Variants in USP28 observed in about 807,000 individuals in gnomAD.
USP28 encodes ubiquitin carboxyl-terminal hydrolase 28.
USP28 carries 113 observed loss-of-function variants against 145.0 expected under a neutral mutation model. That is an observed-to-expected ratio of 0.78 (90% CI 0.67 to 0.91). USP28 has a LOEUF of 0.91. Among genes scored for constraint, USP28 ranks in the 40% least tolerant of loss-of-function variants. USP28 has a pLI of 0.00. For synonymous variants in USP28, 447 were observed against 450.9 expected (o/e 0.99, Z 0.11); for missense variants, 1,201 against 1,289.6 (o/e 0.93, Z 1.05).
chr11:113,841,350 C>A (rs1188316059), intron 4 of USP28, among the ~76,000 whole-genome samples: 6 of 152,172 alleles, frequency 3.9e-5, no homozygotes, highest in Non-Finnish European at 8.8e-5. Flanking sequence ...AGCAGCATAA[C>A]CCTCAAAGTT....
At chr11:113,833,504 C>T (rs749336641) in exon 7 of USP28, 1 of 1,614,052 alleles carries the variant, frequency 6.2e-7, no homozygotes, top group Non-Finnish European at 8.5e-7. Flanking sequence ...TTGATCCCAT[C>T]ATTAGAGCAA....
At chr11:113,811,101 G>C (rs1395178351) in intron 16 of USP28, among the ~76,000 whole-genome samples, 1 of 152,196 alleles carries the variant, frequency 6.6e-6, no homozygotes, top group Non-Finnish European at 1.5e-5. Context: ...AGAGAATAAT[G>C]TAAATTGAAA....
exon 10 of USP28, chr11:113,829,327 T>C (rs762800101): frequency 4.3e-6 from 7 of 1,614,158 alleles, no homozygotes; most frequent in East Asian, 4.5e-5. Flanking sequence ...GAAGGTCTCA[T>C]TGTTACAAAA....
intron 16 of USP28, among the ~76,000 whole-genome samples, chr11:113,809,544 T>A (rs184146375): frequency 3.3e-5 from 5 of 152,230 alleles, no homozygotes; most frequent in Non-Finnish European, 7.3e-5. Context: ...CCAATGAGCA[T>A]TCCCTTCCAG....
intron 19 of USP28, among the ~76,000 whole-genome samples, chr11:113,806,004 C>T (rs150671725): frequency 9.9e-5 from 15 of 152,214 alleles, no homozygotes; most frequent in African/African-American, 3.4e-4. Flanking sequence ...TCATGGTTCA[C>T]TGCAACCTTG....
rs1403449398 is a variant in USP28 at position 113,832,008 on chromosome 11, C to G, written c.760-15G>C. On this transcript the variant is annotated splice_polypyrimidine_tract_variant and intron_variant, in intron 7 of 24. Transcript: ENST00000003302. Reference sequence around the variant, plus strand: ...CTCACATCTTGCTATAAGAGAGGCACAAATTGCATAAAAGTTAGATGCAAT... The same window carrying G: ...CTCACATCTTGCTATAAGAGAGGCAGAAATTGCATAAAAGTTAGATGCAAT... 1 of 1,609,922 alleles carries G rather than the reference C, an allele frequency of 6.2e-7. No individual in the cohort carries two copies. Among genetic ancestry groups the G allele is most frequent in the Non-Finnish European group, 8.5e-7 (1 of 1,178,482 alleles).
chr11:113,825,609 G>A (rs1943195981), intron 11 of USP28, among the ~76,000 whole-genome samples: 1 of 152,046 alleles, frequency 6.6e-6, no homozygotes, highest in Non-Finnish European at 1.5e-5. Context: ...ATGGTGAATG[G>A]CAAAAAATCA....
rs555089304 is a variant in USP28, at chr11:113,838,933, T to A, written c.534+1665A>T. On this transcript the variant is annotated intron_variant, in intron 5 of 24. Transcript: ENST00000003302. ...GCTGGGTAGGTGCCATGTACCATGA[T>A]GGAGAAGACTGCTGTGGTGAGCACC... 3.9e-5 allele frequency among the ~76,000 whole-genome samples: 6 copies of A among 152,346 alleles called. No homozygotes were observed. In the East Asian group the frequency reaches 1.2e-3, roughly 29 times the overall value.
exon 25 of USP28, chr11:113,797,902 A>C (rs1938202838): frequency 6.6e-6 from 1 of 152,622 alleles, no homozygotes; most frequent in Admixed American, 6.5e-5. Flanking sequence ...TTGCACATTT[A>C]TAAAATCTGC....
At position 113,813,942 on chromosome 11, in the gene USP28, AC is replaced by A; in HGVS notation, c.1685del (p.Cys562LeufsTer76). On this transcript the variant is annotated frameshift_variant, in exon 15 of 25. Transcript: ENST00000003302. LOFTEE classifies it high-confidence loss of function. ...CAATAGTCTGAGTAGTACTTGCAAT[AC>A]AAGTCTTTAAATCTGTTTGGAAAAA... is the stretch of plus-strand genomic sequence containing the variant. The A allele has an allele frequency of 6.2e-7, 1 of 1,609,078 alleles. No individual in the cohort carries two copies. The highest frequency in any genetic ancestry group is 8.5e-7 in the Non-Finnish European group (1 of 1,178,408).
chr11:113,834,886 G>C (rs1944395480), intron 5 of USP28, among the ~76,000 whole-genome samples: 1 of 152,074 alleles, frequency 6.6e-6, no homozygotes, highest in Non-Finnish European at 1.5e-5. Context: ...AACACATTTT[G>C]AGTGAAAAAA....
intron 1 of USP28, among the ~76,000 whole-genome samples, chr11:113,868,704 G>A (rs892619222): frequency 6.6e-6 from 1 of 152,040 alleles, no homozygotes; most frequent in African/African-American, 2.4e-5. Context: ...GAGGATCACT[G>A]GAGCGCGGGA....
In USP28 at chr11:113,803,229, G is replaced by A. The variant is rs755841498; in HGVS notation, c.2791C>T (p.Leu931=). 9 of 1,614,042 alleles carry A rather than the reference G, an allele frequency of 5.6e-6. No homozygotes were observed. The Admixed American group carries it at 6.7e-5, about 12-fold the overall frequency. Residue 931 remains leucine (L), a synonymous_variant, in exon 23 of 25, where the codon CTG becomes TTG. Coordinates refer to ENST00000003302, the Ensembl canonical transcript of USP28. ...CCCCGGCGGGGCCCCTTCATCAGCAGGGCAGCATTGCTCTGGTAGGCATAT... is the reference window on the plus strand; with the variant it reads ...CCCCGGCGGGGCCCCTTCATCAGCAAGGCAGCATTGCTCTGGTAGGCATAT...
At chr11:113,868,370 T>C (rs1337732050) in intron 1 of USP28, among the ~76,000 whole-genome samples, 4 of 152,230 alleles carry the variant, frequency 2.6e-5, no homozygotes, top group African/African-American at 9.6e-5. Context: ...CTGCTCATAC[T>C]AAATTTTATT....
rs1039281818 is a variant in USP28, at chr11:113,804,917, G to A, written c.2530C>T (p.Arg844Ter). 8 of 1,614,170 alleles carry A rather than the reference G, an allele frequency of 5.0e-6. No individual in the cohort carries two copies. Among genetic ancestry groups the A allele is most frequent in the Non-Finnish European group, 5.9e-6 (7 of 1,180,026 alleles). Residue 844 changes from arginine to a stop codon, truncating the protein, a stop_gained, in exon 20 of 25, where the codon CGA becomes TGA. Transcript: ENST00000003302. LOFTEE classifies it high-confidence loss of function. ...TCTGCAAACTGTTCCAGAAGGGTTC[G>A]TTCTACTACCCTTTTGGGTGCTTCA...
intron 1 of USP28, among the ~76,000 whole-genome samples, chr11:113,857,623 T>C (rs1947207659): frequency 6.6e-6 from 1 of 152,218 alleles, no homozygotes; most frequent in Admixed American, 6.5e-5. Context: ...CATCTGCTAC[T>C]TGGATGATAG....
At chr11:113,808,322 G>C in exon 18 of USP28, 1 of 1,613,466 alleles carries the variant, frequency 6.2e-7, no homozygotes, top group Non-Finnish European at 8.5e-7. Flanking sequence ...CTTCTACACC[G>C]CTCTTCTCAT....
chr11:113,830,946 G>C lies in USP28; in HGVS notation c.834-3C>G, dbSNP rs1456122774. On this transcript the variant is annotated splice_region_variant and splice_polypyrimidine_tract_variant and intron_variant, in intron 8 of 24. Coordinates refer to ENST00000003302, the Ensembl canonical transcript of USP28. ...TTTCAGATTTGTTCCTGGGACTGCT[G>C]CTTTTAGGAAAAGGAGACAATTCTG... 6.2e-7 allele frequency: 1 copy of C among 1,613,842 alleles called. No homozygotes were observed. Among genetic ancestry groups the C allele is most frequent in the East Asian group, 2.2e-5 (1 of 44,862 alleles).
At chr11:113,828,699 T>C in intron 10 of USP28, 1 of 311,602 alleles carries the variant, frequency 3.2e-6, no homozygotes, top group South Asian at 2.8e-5. Flanking sequence ...TCCCTTTAAC[T>C]TCCCCCGTCT....
Sources: allele counts gnomAD v4.1 joint callset (sites outside exome capture counted in the v4.1 genomes callset), GRCh38; gene constraint gnomAD v4.1.1; transcripts MANE v1.5; gene names NCBI Gene and HGNC (gene_info 2026-07-23, HGNC 2026-07-21).